RBFOX1: variants seen among roughly 807,000 people sequenced by gnomAD.
The protein encoded by RBFOX1 is RNA binding fox-1 homolog 1, also known as RNA binding protein fox-1 homolog 1.
A neutral mutation model predicts 57.7 loss-of-function variants in RBFOX1; 8 were observed. The ratio of observed to expected loss-of-function variants is 0.14; its 90% confidence interval spans 0.08 to 0.25. The LOEUF (loss-of-function observed/expected upper bound fraction) is 0.25. RBFOX1 is among the 10% of genes least tolerant of loss of function. The pLI, the probability that RBFOX1 is intolerant of heterozygous loss-of-function variation, is 1.00. For synonymous variants in RBFOX1, 326 were observed against 222.4 expected (o/e 1.47, Z -4.15); for missense variants, 611 against 548.5 (o/e 1.11, Z -1.14).
intron 1 of RBFOX1, among the ~76,000 whole-genome samples, chr16:6,215,321 CAGAG>C (rs1263429747): frequency 3.1e-4 from 29 of 92,164 alleles, no homozygotes; most frequent in African/African-American, 6.3e-4. Context: ...TAGAGAGAGA[CAGAG>C]AGGGGAGGGG....
chr16:5,597,874 C>T (rs763309368), intron 2 of RBFOX1, among the ~76,000 whole-genome samples: 53 of 152,170 alleles, frequency 3.5e-4, no homozygotes, highest in Non-Finnish European at 7.1e-4. Flanking sequence ...CCACTGCAAC[C>T]CTGCTGAGTG....
chr16:6,812,087 C>T (rs1438551070), intron 3 of RBFOX1, among the ~76,000 whole-genome samples: 1 of 152,062 alleles, frequency 6.6e-6, no homozygotes, highest in Non-Finnish European at 1.5e-5. Flanking sequence ...TTATCAGACT[C>T]CATATGATGA....
chr16:6,965,315 TTGTGTGTGTGTGTGTGTGTGTGTGTGTG>T (rs57603257), intron 3 of RBFOX1, among the ~76,000 whole-genome samples: 6 of 147,454 alleles, frequency 4.1e-5, no homozygotes, highest in Non-Finnish European at 6.0e-5. Flanking sequence ...TTTTCTTTTG[TTGTGTGTGTGTGTGTGTGTGTGTGTGTG>T]TGTGTGTGTG....
At chr16:6,240,563 T>C (rs2097534929) in intron 1 of RBFOX1, among the ~76,000 whole-genome samples, 1 of 152,158 alleles carries the variant, frequency 6.6e-6, no homozygotes, top group Non-Finnish European at 1.5e-5. Flanking sequence ...TTATACTTTG[T>C]CTGCAAGTAC....
At position 7,394,597 on chromosome 16, in the gene RBFOX1, C is replaced by G. The variant is rs569130799; in HGVS notation, c.28-123550C>G. 2.4e-4 allele frequency among the ~76,000 whole-genome samples: 36 copies of G among 152,308 alleles called. No individual in the cohort carries two copies. In the South Asian group the frequency reaches 6.6e-3, roughly 28 times the overall value. On this transcript the variant is annotated intron_variant, in intron 4 of 15. Coordinates refer to ENST00000550418, the MANE Select transcript of RBFOX1 (RefSeq NM_018723.4). ...CTTGGGGTCCAGGGTCATAGCCTCT[C>G]TACTGTACCTCCAACGGGTGCCACT...
chr16:7,064,976 G>A (rs1372692378), intron 4 of RBFOX1, among the ~76,000 whole-genome samples: 2 of 152,160 alleles, frequency 1.3e-5, no homozygotes, highest in African/African-American at 4.8e-5. Flanking sequence ...TTGGCTCCCT[G>A]TGTGTCACCA....
chr16:6,954,103 T>G (rs1300260115), intron 3 of RBFOX1, among the ~76,000 whole-genome samples: 1 of 152,200 alleles, frequency 6.6e-6, no homozygotes, highest in African/African-American at 2.4e-5. Flanking sequence ...AGACAACACT[T>G]AAGGTGTCAG....
At chr16:7,054,145 C>G (rs953637008) in intron 4 of RBFOX1, among the ~76,000 whole-genome samples, 6 of 132,838 alleles carry the variant, frequency 4.5e-5, no homozygotes, top group African/African-American at 1.5e-4. Flanking sequence ...TCCTTTCACA[C>G]CTGTGTCTGT....
intron 14 of RBFOX1, among the ~76,000 whole-genome samples, chr16:7,703,599 C>G (rs7196635): frequency 6.6e-6 from 1 of 151,972 alleles, no homozygotes; most frequent in African/African-American, 2.4e-5. Context: ...ATGTTAAAAC[C>G]CTGGTGTGGA....
intron 3 of RBFOX1, among the ~76,000 whole-genome samples, chr16:6,931,863 G>C (rs148094550): frequency 6.6e-6 from 1 of 152,114 alleles, no homozygotes; most frequent in African/African-American, 2.4e-5. Flanking sequence ...GGTATCTGAC[G>C]AGGGCGTGGT....
At chr16:5,980,593 G>T (rs1364835167) in intron 4 of RBFOX1, among the ~76,000 whole-genome samples, 1 of 152,174 alleles carries the variant, frequency 6.6e-6, no homozygotes, top group Non-Finnish European at 1.5e-5. Flanking sequence ...ATTTCCCAGA[G>T]TTGAGGGGTC....
intron 3 of RBFOX1, among the ~76,000 whole-genome samples, chr16:5,828,635 G>T (rs1230407219): frequency 1.3e-5 from 2 of 152,084 alleles, no homozygotes; most frequent in African/African-American, 4.8e-5. Flanking sequence ...GGAGGCAGAG[G>T]TTGCAGTGAG....
intron 2 of RBFOX1, among the ~76,000 whole-genome samples, chr16:6,541,548 G>C (rs999651832): frequency 6.6e-6 from 1 of 152,174 alleles, no homozygotes; most frequent in African/African-American, 2.4e-5. Flanking sequence ...ATAGTGAATG[G>C]AATATTTTTT....
At chr16:5,889,953 T>A (rs11864621) in intron 4 of RBFOX1, among the ~76,000 whole-genome samples, 1,761 of 152,350 alleles carry the variant, frequency 0.012, 48 homozygotes, top group African/African-American at 0.041. Flanking sequence ...GCCTCTGTGA[T>A]GATCACAATG....
chr16:5,983,915 T>TCCTCCTCCTCACCCTCCTCCTCCC (rs2060225586), intron 4 of RBFOX1, among the ~76,000 whole-genome samples: 6 of 123,574 alleles, frequency 4.9e-5, no homozygotes, highest in Non-Finnish European at 1.0e-4. Flanking sequence ...CTCCTCCTCT[T>TCCTCCTCCTCACCCTCCTCCTCCC]CCTCCTCCTC....
chr16:6,675,163 C>A (rs192862200), intron 3 of RBFOX1, among the ~76,000 whole-genome samples: 2 of 152,134 alleles, frequency 1.3e-5, no homozygotes, highest in African/African-American at 4.8e-5. Context: ...CTCGGCCTCC[C>A]AAAGTGCTGG....
intron 3 of RBFOX1, among the ~76,000 whole-genome samples, chr16:6,959,387 T>C (rs914565771): frequency 6.6e-6 from 1 of 152,074 alleles, no homozygotes; most frequent in Non-Finnish European, 1.5e-5. Context: ...CAGAAAGTCG[T>C]TTTGTGGGGT....
chr16:6,479,910 G>T (rs946678275), intron 2 of RBFOX1, among the ~76,000 whole-genome samples: 1 of 152,070 alleles, frequency 6.6e-6, no homozygotes, highest in Non-Finnish European at 1.5e-5. Context: ...AATTAGTTGG[G>T]CATGGTGGCG....
chr16:7,690,303 A>T (rs1281778587), intron 14 of RBFOX1, among the ~76,000 whole-genome samples: 1 of 152,118 alleles, frequency 6.6e-6, no homozygotes, highest in African/African-American at 2.4e-5. Context: ...TCAAACGAAG[A>T]ACGTTAGCAC....
Sources: allele counts gnomAD v4.1 joint callset (sites outside exome capture counted in the v4.1 genomes callset), GRCh38; gene constraint gnomAD v4.1.1; transcripts MANE v1.5; gene names NCBI Gene and HGNC (gene_info 2026-07-23, HGNC 2026-07-21).